Variants in COBLL1 observed in about 807,000 individuals in gnomAD.
COBLL1 encodes cordon-bleu protein-like 1.
Under a neutral mutation model 94.8 loss-of-function variants are expected in COBLL1, and 50 were observed. That is an observed-to-expected ratio of 0.53 (90% CI 0.42 to 0.67). The LOEUF (loss-of-function observed/expected upper bound fraction) is 0.67, where lower values mean the gene tolerates loss of function less well. COBLL1 is among the 30% of genes least tolerant of loss of function. COBLL1 has a pLI of 0.00. For missense variants in COBLL1, 1,362 were observed against 1,348.7 expected, an observed-to-expected ratio of 1.01 and a Z score of -0.15; for synonymous variants, 448 against 473.8, an observed-to-expected ratio of 0.95 and a Z score of 0.71.
chr2:164,722,059 A>G lies in COBLL1; in HGVS notation c.996+16T>C, dbSNP rs1558952430. 1 of 1,544,556 alleles carries G rather than the reference A, an allele frequency of 6.5e-7. No individual in the cohort carries two copies. The highest frequency in any genetic ancestry group is 2.3e-5 in the East Asian group (1 of 44,154). On this transcript the variant is annotated intron_variant, in intron 7 of 13. Transcript: ENST00000652658. ...GCCTCATCCAAAAAAACAAAATAGA[A>G]AACAAAACTACACACCTTATCTGTC...
intron 2 of COBLL1, among the ~76,000 whole-genome samples, chr2:164,817,513 A>G (rs1166429193): frequency 6.6e-6 from 1 of 152,156 alleles, no homozygotes; most frequent in Middle Eastern, 3.2e-3. Context: ...CTCACCTGCC[A>G]AGCCTGTACG....
chr2:164,665,559 TA>T (rs1280347666), intron 2 of COBLL1, among the ~76,000 whole-genome samples: 1 of 152,090 alleles, frequency 6.6e-6, no homozygotes, highest in African/African-American at 2.4e-5. Flanking sequence ...CAATCTTTTC[TA>T]AAATGGCTAA....
chr2:164,723,678 A>T (rs931614296), intron 5 of COBLL1: 5 of 152,344 alleles, frequency 3.3e-5, no homozygotes, highest in African/African-American at 1.2e-4. Context: ...CTAAAAAAAA[A>T]AAACTCTTTT....
chr2:164,832,412 ATTATT>A (rs1417848206), intron 2 of COBLL1, among the ~76,000 whole-genome samples: 1 of 152,232 alleles, frequency 6.6e-6, no homozygotes, highest in African/African-American at 2.4e-5. Flanking sequence ...AATGATTAAT[ATTATT>A]TTAAAGACAT....
chr2:164,687,785 G>T, intron 13 of COBLL1: 1 of 474,508 alleles, frequency 2.1e-6, no homozygotes. Flanking sequence ...CAGAGGTAAT[G>T]ACTTCCATTG....
chr2:164,728,819 C>A (rs1260663993), intron 4 of COBLL1, among the ~76,000 whole-genome samples: 2 of 151,950 alleles, frequency 1.3e-5, no homozygotes, highest in Non-Finnish European at 2.9e-5. Flanking sequence ...TAAATCTCTT[C>A]ATTAAATATC....
At chr2:164,829,964 G>T (rs1021897003) in intron 2 of COBLL1, among the ~76,000 whole-genome samples, 2 of 152,144 alleles carry the variant, frequency 1.3e-5, no homozygotes, top group African/African-American at 2.4e-5. Flanking sequence ...CCATATTGGT[G>T]TGACATAGAT....
intron 2 of COBLL1, among the ~76,000 whole-genome samples, chr2:164,805,319 CTCTCTCTCTCTCTCTCTCTATA>C (rs1198450462): frequency 1.1e-4 from 4 of 35,964 alleles, no homozygotes; most frequent in African/African-American, 1.1e-4. Context: ...CTCTCTCTCT[CTCTCTCTCTCTCTCTCTCTATA>C]TATATATATA....
chr2:164,823,362 T>A (rs966551408), intron 2 of COBLL1, among the ~76,000 whole-genome samples: 6 of 152,238 alleles, frequency 3.9e-5, no homozygotes, highest in Non-Finnish European at 7.4e-5. Flanking sequence ...TTAGAATGGG[T>A]TATTGATTAA....
In COBLL1 at chr2:164,700,633, T is replaced by A; in HGVS notation, c.1349A>T (p.Asp450Val). ...ATCATTTTTCAGTGTATTTATTATA[T>A]CAGTAGATACAAAAGGAATATCTTG... ...KSQDIPFVST[D>V]IINTLKNDPD... Residue 450 changes from aspartate (D) to valine (V), a missense_variant, in exon 10 of 14, where the codon GAT becomes GTT. Physicochemically the swap from Asp to Val is radical, Grantham distance 152 (BLOSUM62 -3). Coordinates refer to ENST00000652658, the MANE Select transcript of COBLL1 (RefSeq NM_001365672.2). 6.2e-7 allele frequency: 1 copy of A among 1,612,646 alleles called. No individual in the cohort carries two copies. Among genetic ancestry groups the A allele is most frequent in the South Asian group, 1.1e-5 (1 of 91,056 alleles).
At chr2:164,821,712 T>C (rs1035585460) in intron 2 of COBLL1, among the ~76,000 whole-genome samples, 2 of 152,264 alleles carry the variant, frequency 1.3e-5, no homozygotes, top group Non-Finnish European at 2.9e-5. Flanking sequence ...TATTATAATA[T>C]ACACATTGTG....
intron 2 of COBLL1, among the ~76,000 whole-genome samples, chr2:164,795,528 A>T (rs1385981850): frequency 2.0e-5 from 3 of 152,282 alleles, no homozygotes; most frequent in Non-Finnish European, 4.4e-5. Flanking sequence ...TTGACCAATG[A>T]CCCGCTCCCA....
chr2:164,724,447 C>T (rs1371134089), intron 5 of COBLL1: 9 of 152,094 alleles, frequency 5.9e-5, no homozygotes, highest in African/African-American at 2.4e-5. Flanking sequence ...CATTAAGTGA[C>T]ACCACAGGAG....
At chr2:164,798,876 C>T (rs760011817) in intron 2 of COBLL1, among the ~76,000 whole-genome samples, 2 of 151,774 alleles carry the variant, frequency 1.3e-5, no homozygotes, top group South Asian at 2.1e-4. Flanking sequence ...AAAAATTAGC[C>T]GGGCAAGGTG....
Position 164,704,537 on chromosome 2 carries a change from A to G in COBLL1, c.1151-19T>C, listed in dbSNP as rs1684484922. ...TGTAAGGCTAAAGGAAAGAAGCAACACAACTTATAAAGTCATATTCACAAA... is the reference window on the plus strand; with the variant it reads ...TGTAAGGCTAAAGGAAAGAAGCAACGCAACTTATAAAGTCATATTCACAAA... On this transcript the variant is annotated intron_variant, in intron 8 of 13. Coordinates refer to ENST00000652658, the MANE Select transcript of COBLL1 (RefSeq NM_001365672.2). The G allele has an allele frequency of 3.2e-6, 5 of 1,579,062 alleles. No homozygotes were observed. The highest frequency in any genetic ancestry group is 4.4e-6 in the Non-Finnish European group (5 of 1,148,360).
intron 2 of COBLL1, among the ~76,000 whole-genome samples, chr2:164,747,150 A>C (rs1453022400): frequency 2.0e-5 from 3 of 152,198 alleles, no homozygotes; most frequent in Admixed American, 2.0e-4. Context: ...ACCACCAAAA[A>C]ATAAAATGAG....
intron 7 of COBLL1, among the ~76,000 whole-genome samples, chr2:164,713,180 T>C (rs1366065082): frequency 6.6e-6 from 1 of 152,130 alleles, no homozygotes; most frequent in Non-Finnish European, 1.5e-5. Context: ...TTATTCTCTA[T>C]ATAAACCTGT....
chr2:164,837,254 A>T (rs1450077630), intron 2 of COBLL1, among the ~76,000 whole-genome samples: 2 of 151,992 alleles, frequency 1.3e-5, no homozygotes, highest in African/African-American at 4.8e-5. Context: ...TTTTTTTTTA[A>T]AGCATATCTG....
chr2:164,777,461 G>A (rs1226739608), intron 2 of COBLL1, among the ~76,000 whole-genome samples: 3 of 151,938 alleles, frequency 2.0e-5, no homozygotes, highest in Non-Finnish European at 2.9e-5. Context: ...TGCCCTAAGC[G>A]TCTCCTGAAA....
Sources: allele counts gnomAD v4.1 joint callset (sites outside exome capture counted in the v4.1 genomes callset), GRCh38; gene constraint gnomAD v4.1.1; transcripts MANE v1.5; gene names NCBI Gene and HGNC (gene_info 2026-07-23, HGNC 2026-07-21).